PTPRD: variants seen among roughly 807,000 people sequenced by gnomAD.
PTPRD encodes the protein protein tyrosine phosphatase receptor type D, also known as receptor-type tyrosine-protein phosphatase delta.
PTPRD carries 34 observed loss-of-function variants against 214.5 expected under a neutral mutation model. The ratio of observed to expected loss-of-function variants is 0.16; its 90% CI spans 0.12 to 0.21. The LOEUF is 0.21. Ranked by LOEUF, PTPRD falls within the 10% of genes least tolerant of loss-of-function variation. PTPRD has a pLI of 1.00. For synonymous variants in PTPRD, 1,128 were observed against 845.7 expected (o/e 1.33, Z -5.79); for missense variants, 2,545 against 2,398.7 (o/e 1.06, Z -1.27).
At chr9:9,699,487 G>T (rs549166031) in intron 7 of PTPRD, among the ~76,000 whole-genome samples, 1 of 152,252 alleles carries the variant, frequency 6.6e-6, no homozygotes, top group South Asian at 2.1e-4. Flanking sequence ...GAGCACAGGG[G>T]TGTATGTGTC....
chr9:8,439,236 T>C (rs2095461494), intron 34 of PTPRD, among the ~76,000 whole-genome samples: 1 of 152,198 alleles, frequency 6.6e-6, no homozygotes, highest in African/African-American at 2.4e-5. Flanking sequence ...CTTCTGGTTT[T>C]GGCATCTACT....
intron 2 of PTPRD, among the ~76,000 whole-genome samples, chr9:10,505,962 T>C (rs954427696): frequency 4.6e-5 from 7 of 152,134 alleles, no homozygotes; most frequent in African/African-American, 1.7e-4. Flanking sequence ...TCAGTGATCA[T>C]AGTCTTGAGG....
At chr9:9,700,917 T>C (rs1009472574) in intron 7 of PTPRD, among the ~76,000 whole-genome samples, 3 of 151,956 alleles carry the variant, frequency 2.0e-5, no homozygotes, top group African/African-American at 7.2e-5. Context: ...AAACAAACCA[T>C]TACAATACTA....
chr9:10,360,972 G>A (rs1361250950), intron 2 of PTPRD, among the ~76,000 whole-genome samples: 1 of 151,964 alleles, frequency 6.6e-6, no homozygotes, highest in Admixed American at 6.6e-5. Context: ...CGTGGTGCCG[G>A]GCGCCTGTAG....
In PTPRD at chr9:9,479,055, C is replaced by G. The variant is rs147159857; in HGVS notation, c.-236-81573G>C. 7.3e-4 allele frequency among the ~76,000 whole-genome samples: 111 copies of G among 152,156 alleles called. 1 individual carries two copies. In the East Asian group the frequency reaches 0.02, roughly 28 times the overall value. The stretch of plus-strand genomic sequence containing the variant: ...ATAATCACACAATGGTTCATAAAGT[C>G]TGTTTTTCCTTATGTTTTTTTTCTT... On this transcript the variant is annotated intron_variant, in intron 8 of 45. Transcript: ENST00000381196.
At chr9:10,199,717 C>G (rs971786367) in intron 3 of PTPRD, among the ~76,000 whole-genome samples, 1 of 151,962 alleles carries the variant, frequency 6.6e-6, no homozygotes, top group African/African-American at 2.4e-5. Context: ...AGGAGCAAAT[C>G]TGAATTTCCA....
chr9:10,443,385 G>A (rs994294457), intron 2 of PTPRD, among the ~76,000 whole-genome samples: 1 of 151,536 alleles, frequency 6.6e-6, no homozygotes, highest in African/African-American at 2.4e-5. Flanking sequence ...TAGCCTGCAA[G>A]CCAGAGTCAA....
In PTPRD at chr9:9,664,104, A is replaced by G. The variant is rs971919554; in HGVS notation, c.-287+70429T>C. ...ACTCCTGTGTAAAAAAAAAAAAAAA[A>G]AAAGAAGTTATGACTCTAGGGAGAA... On this transcript the variant is annotated intron_variant, in intron 7 of 45. Transcript: ENST00000381196. Among the ~76,000 whole-genome samples the G allele has an allele frequency of 2.7e-5, 4 of 150,736 alleles. 1 individual carries two copies. Among genetic ancestry groups the G allele is most frequent in the Non-Finnish European group, 5.9e-5 (4 of 67,274 alleles).
intron 7 of PTPRD, among the ~76,000 whole-genome samples, chr9:9,703,759 G>A (rs2097545000): frequency 6.6e-6 from 1 of 152,084 alleles, no homozygotes; most frequent in Non-Finnish European, 1.5e-5. Flanking sequence ...AGAAATCAGG[G>A]AGATTAATAA....
intron 14 of PTPRD, among the ~76,000 whole-genome samples, chr9:8,626,069 C>A (rs769404350): frequency 6.6e-6 from 1 of 151,692 alleles, no homozygotes; most frequent in Non-Finnish European, 1.5e-5. Context: ...TTTGGCATAT[C>A]TGTGCCCTAA....
chr9:9,661,618 T>A (rs895248447), intron 7 of PTPRD, among the ~76,000 whole-genome samples: 4 of 151,844 alleles, frequency 2.6e-5, no homozygotes, highest in Admixed American at 2.6e-4. Context: ...GCAAGCTTCA[T>A]AAAAACAAAC....
chr9:9,770,331 T>A (rs1245082701), intron 5 of PTPRD, among the ~76,000 whole-genome samples: 1 of 152,148 alleles, frequency 6.6e-6, no homozygotes. Context: ...TTATATTACA[T>A]CACAATTTAA....
chr9:9,023,804 C>T (rs959295098), intron 10 of PTPRD, among the ~76,000 whole-genome samples: 2 of 151,992 alleles, frequency 1.3e-5, no homozygotes, highest in Non-Finnish European at 2.9e-5. Flanking sequence ...ATTACGGCCT[C>T]CATCTCCATC....
chr9:9,360,917 A>C (rs143470120), intron 9 of PTPRD, among the ~76,000 whole-genome samples: 1 of 151,216 alleles, frequency 6.6e-6, no homozygotes, highest in Non-Finnish European at 1.5e-5. Flanking sequence ...CTGAAGCCAG[A>C]TGTGTACACA....
chr9:9,792,574 C>T (rs1257604203), intron 5 of PTPRD, among the ~76,000 whole-genome samples: 1 of 152,116 alleles, frequency 6.6e-6, no homozygotes, highest in African/African-American at 2.4e-5. Context: ...TTATGTCTCA[C>T]ACTGAAAACT....
chr9:9,061,931 C>T (rs1282263582), intron 10 of PTPRD, among the ~76,000 whole-genome samples: 2 of 152,086 alleles, frequency 1.3e-5, no homozygotes, highest in Non-Finnish European at 2.9e-5. Context: ...AACCCCACTG[C>T]TCTGGGGGAT....
intron 7 of PTPRD, among the ~76,000 whole-genome samples, chr9:9,691,682 T>G (rs1386560231): frequency 6.6e-6 from 1 of 152,052 alleles, no homozygotes; most frequent in Non-Finnish European, 1.5e-5. Context: ...ATATTTTTAG[T>G]TTTTTGAGGA....
chr9:9,768,281 G>C (rs1244962880), intron 5 of PTPRD, among the ~76,000 whole-genome samples: 1 of 152,086 alleles, frequency 6.6e-6, no homozygotes, highest in African/African-American at 2.4e-5. Context: ...GATTAAATGA[G>C]TCATTACAAA....
At chr9:9,721,245 T>C (rs1220239033) in intron 7 of PTPRD, among the ~76,000 whole-genome samples, 1 of 152,164 alleles carries the variant, frequency 6.6e-6, no homozygotes. Flanking sequence ...GATTTTATCA[T>C]TAAATTTAAA....
Sources: allele counts gnomAD v4.1 joint callset (sites outside exome capture counted in the v4.1 genomes callset), GRCh38; gene constraint gnomAD v4.1.1; transcripts MANE v1.5; gene names NCBI Gene and HGNC (gene_info 2026-07-23, HGNC 2026-07-21).